DMD: variants seen among roughly 807,000 people sequenced by gnomAD.
The protein encoded by DMD is mutant dystrophin.
A neutral mutation model predicts 330.1 loss-of-function variants in DMD; 63 were observed. The ratio of observed to expected loss-of-function variants is 0.19; its 90% CI spans 0.16 to 0.24. The LOEUF is 0.24. Among genes scored for constraint, DMD ranks in the 10% least tolerant of loss-of-function variants. The pLI is 1.00. For missense variants in DMD, 3,344 were observed against 2,684.1 expected, an observed-to-expected ratio of 1.25 and a Z score of -5.43; for synonymous variants, 1,223 against 959.8, an observed-to-expected ratio of 1.27 and a Z score of -5.07.
chrX:31,296,044 A>G lies in DMD; in HGVS notation c.9224+27554T>C, dbSNP rs182276231. ...AAGAACTTTGGTAACTAACTCTTCA[A>G]TATGTCCCTGATGACAGACCAAGGA... On this transcript the variant is annotated intron_variant, in intron 62 of 78. Coordinates refer to ENST00000357033, the MANE Select transcript of DMD (RefSeq NM_004006.3). Among the ~76,000 whole-genome samples the G allele has an allele frequency of 2.8e-5, 3 of 107,795 alleles. No homozygotes were observed. The East Asian group carries it at 8.7e-4, about 31-fold the overall frequency. 93.6% of individuals were successfully genotyped at this position (107,795 alleles called of 115,157 possible). A position where few individuals can be genotyped will look rare whatever the true frequency, so the allele number is the denominator to read the frequency against.
chrX:33,158,899 G>A (rs921556665), intron 1 of DMD, among the ~76,000 whole-genome samples: 2 of 111,921 alleles, frequency 1.8e-5, no homozygotes, highest in Non-Finnish European at 3.8e-5. Context: ...ATGAGTTATG[G>A]TATATCCTTT....
chrX:31,680,524 T>C (rs2148741567), intron 52 of DMD, among the ~76,000 whole-genome samples: 1 of 109,520 alleles, frequency 9.1e-6, no homozygotes, highest in African/African-American at 3.3e-5. Flanking sequence ...GCACGTGCCA[T>C]CATGCCCAGC....
At chrX:32,571,434 C>T (rs747644796) in intron 15 of DMD, among the ~76,000 whole-genome samples, 1 of 111,366 alleles carries the variant, frequency 9.0e-6, no homozygotes, top group Non-Finnish European at 1.9e-5. Context: ...TTTGTGATAC[C>T]ACTTTCCCCT....
chrX:32,673,621 T>TA (rs951510433), intron 9 of DMD, among the ~76,000 whole-genome samples: 72 of 111,389 alleles, frequency 6.5e-4, no homozygotes, highest in Non-Finnish European at 2.3e-4. Context: ...ACTTAAGTAC[T>TA]AAAAAAAATC....
chrX:32,724,888 T>C (rs934274237), intron 7 of DMD, among the ~76,000 whole-genome samples: 1 of 111,942 alleles, frequency 8.9e-6, no homozygotes, highest in African/African-American at 3.2e-5. Context: ...CTTTAGCATT[T>C]TTAAACAATG....
At chrX:31,808,437 G>T (rs2092358951) in intron 50 of DMD, among the ~76,000 whole-genome samples, 1 of 111,746 alleles carries the variant, frequency 8.9e-6, no homozygotes, top group African/African-American at 3.2e-5. Context: ...CTGTAAACTG[G>T]CTTATTATAT....
chrX:32,207,674 G>T (rs1367221813), intron 44 of DMD, among the ~76,000 whole-genome samples: 2 of 111,867 alleles, frequency 1.8e-5, no homozygotes, highest in African/African-American at 3.2e-5. Flanking sequence ...GGATAGCACT[G>T]GTTATGAGAT....
intron 2 of DMD, among the ~76,000 whole-genome samples, chrX:33,009,643 C>CGT (rs2093586268): frequency 2.3e-5 from 1 of 44,101 alleles, no homozygotes; most frequent in African/African-American, 1.2e-4. Context: ...TGTATATACA[C>CGT]ATATGTGTGT....
intron 1 of DMD, among the ~76,000 whole-genome samples, chrX:33,319,441 G>C (rs1336107580): frequency 1.8e-5 from 2 of 110,941 alleles, no homozygotes; most frequent in Non-Finnish European, 3.8e-5. Flanking sequence ...ATTGAGTTGA[G>C]TGCCCTCCTC....
At chrX:31,396,302 T>C (rs771585283) in intron 60 of DMD, among the ~76,000 whole-genome samples, 2 of 110,440 alleles carry the variant, frequency 1.8e-5, no homozygotes, top group East Asian at 5.7e-4. Context: ...CACGCCCGGC[T>C]AATTTTTTGT....
At chrX:32,334,018 C>G (rs1304423258) in intron 41 of DMD, among the ~76,000 whole-genome samples, 1 of 111,240 alleles carries the variant, frequency 9.0e-6, no homozygotes, top group African/African-American at 3.3e-5. Context: ...TTAAGTCAGT[C>G]TGTCATCTTT....
intron 1 of DMD, among the ~76,000 whole-genome samples, chrX:33,082,824 G>C (rs5928171): frequency 2.7e-5 from 3 of 111,782 alleles, no homozygotes; most frequent in African/African-American, 9.8e-5. Flanking sequence ...AAAGTTTGTA[G>C]CTGACCAGCC....
At chrX:32,731,170 G>C (rs1472493049) in intron 7 of DMD, among the ~76,000 whole-genome samples, 1 of 111,956 alleles carries the variant, frequency 8.9e-6, no homozygotes, top group East Asian at 2.9e-4. Flanking sequence ...TGGAAAATCG[G>C]GTCACACCCA....
intron 43 of DMD, among the ~76,000 whole-genome samples, chrX:32,279,276 G>A (rs751895606): frequency 8.1e-5 from 9 of 111,358 alleles, no homozygotes; most frequent in Admixed American, 1.9e-4. Context: ...ACTAAAAACA[G>A]GGCTACCATA....
At chrX:31,193,727 T>A (rs1322010439) in intron 67 of DMD, among the ~76,000 whole-genome samples, 3 of 111,706 alleles carry the variant, frequency 2.7e-5, no homozygotes, top group Non-Finnish European at 3.8e-5. Flanking sequence ...GAACAAAATG[T>A]TATTTTGTTC....
rs201323165 is a variant in DMD, at chrX:31,517,745, A to G, written c.8218-10292T>C. Among the ~76,000 whole-genome samples the G allele has an allele frequency of 5.4e-5, 6 of 111,050 alleles. No homozygotes were observed. The East Asian group carries it at 1.7e-3, about 31-fold the overall frequency. ...GATGCTACCATCATTGAGTGCTCATAAGTTATAAAAATAGCTGCATGTGTG... is the reference window on the plus strand; with the variant it reads ...GATGCTACCATCATTGAGTGCTCATGAGTTATAAAAATAGCTGCATGTGTG... On this transcript the variant is annotated intron_variant, in intron 55 of 78. Coordinates refer to ENST00000357033, the MANE Select transcript of DMD (RefSeq NM_004006.3).
At chrX:31,222,444 C>T (rs1393737260) in intron 64 of DMD, among the ~76,000 whole-genome samples, 1 of 106,277 alleles carries the variant, frequency 9.4e-6, no homozygotes, top group Non-Finnish European at 1.9e-5. Context: ...GAAACTGTGC[C>T]TGTTTCATGG....
Position 32,644,154 on chromosome X carries a change from C to A in DMD, c.1309G>T (p.Ala437Ser). 8.3e-7 allele frequency: 1 copy of A among 1,208,526 alleles called. No homozygotes were observed. Among genetic ancestry groups the A allele is most frequent in the African/African-American group, 1.7e-5 (1 of 57,608 alleles). ...LNSRWECLRV[A>S]SMEKQSNLHR... ...TACTTGCTTTGTTTTTCCATGCTAG[C>A]TACCCTGAGGCATTCCCATCTTGAA... The change falls in exon 11 of 79, where the codon GCT becomes TCT. Residue 437 changes from alanine (A) to serine (S), a missense_variant. Transcript: ENST00000357033.
At chrX:31,609,659 C>T (rs1411462058) in intron 55 of DMD, among the ~76,000 whole-genome samples, 2 of 111,776 alleles carry the variant, frequency 1.8e-5, no homozygotes, top group African/African-American at 6.5e-5. Flanking sequence ...TGCTTAAAAA[C>T]CTGCTCAGAG....
Sources: gnomAD v4.1 joint callset for allele counts (sites outside exome capture counted in the v4.1 genomes callset) on GRCh38, gnomAD v4.1.1 for gene constraint, MANE v1.5 for transcripts, NCBI Gene and HGNC (gene_info 2026-07-23, HGNC 2026-07-21) for gene names.